Variants in SLC39A9 observed in about 807,000 individuals in gnomAD.
SLC39A9 encodes the protein solute carrier family 39 member 9, also known as zinc transporter ZIP9.
Under a neutral mutation model 28.4 loss-of-function variants are expected in SLC39A9, and 14 were observed. The ratio of observed to expected loss-of-function variants is 0.49; its 90% confidence interval spans 0.33 to 0.77. The LOEUF (loss-of-function observed/expected upper bound fraction) is 0.77, where lower values mean the gene tolerates loss of function less well. Among genes scored for constraint, SLC39A9 ranks in the 30% least tolerant of loss-of-function variants. The pLI is 0.02. For synonymous variants in SLC39A9, 119 were observed against 149.6 expected (o/e 0.80, Z 1.49); for missense variants, 283 against 381.1 (o/e 0.74, Z 2.14).
intron 3 of SLC39A9, among the ~76,000 whole-genome samples, chr14:69,446,088 A>G (rs1446785945): frequency 6.6e-6 from 1 of 151,842 alleles, no homozygotes; most frequent in African/African-American, 2.4e-5. Flanking sequence ...GCTGCTTTAG[A>G]TGTTTTATAG....
intron 1 of SLC39A9, among the ~76,000 whole-genome samples, chr14:69,407,898 G>A (rs1440899723): frequency 1.3e-5 from 2 of 152,142 alleles, no homozygotes; most frequent in East Asian, 3.8e-4. Context: ...CCAAAGTGCT[G>A]GGATTACAGG....
At chr14:69,414,717 T>A (rs1011356925) in intron 1 of SLC39A9, among the ~76,000 whole-genome samples, 2 of 152,174 alleles carry the variant, frequency 1.3e-5, no homozygotes, top group Non-Finnish European at 2.9e-5. Context: ...AAATGTAACA[T>A]CCCAATCAAG....
intron 2 of SLC39A9, among the ~76,000 whole-genome samples, chr14:69,428,368 T>C (rs920548850): frequency 6.6e-6 from 1 of 152,080 alleles, no homozygotes; most frequent in Admixed American, 6.6e-5. Context: ...CAAGATGATG[T>C]TGAAAATGAA....
In SLC39A9 at chr14:69,412,499, T is replaced by C. The variant is rs139409862; in HGVS notation, c.97-11595T>C. 4.1e-3 allele frequency among the ~76,000 whole-genome samples: 632 copies of C among 152,302 alleles called. 1 individual carries two copies. Among genetic ancestry groups the C allele is most frequent in the African/African-American group, 0.014 (586 of 41,570 alleles). ...TGAATCAACTAATCACTGAAAATTC[T>C]TGATATAGTTACAAGGAATATATGA... is the stretch of plus-strand genomic sequence containing the variant. On this transcript the variant is annotated intron_variant, in intron 1 of 6. Coordinates refer to ENST00000336643, the MANE Select transcript of SLC39A9 (RefSeq NM_018375.5).
Position 69,455,717 on chromosome 14 carries a change from A to AT in SLC39A9, c.559-9dup. 6.2e-7 allele frequency: 1 copy of AT among 1,614,028 alleles called. No homozygotes were observed. Among genetic ancestry groups the AT allele is most frequent in the Non-Finnish European group, 8.5e-7 (1 of 1,179,970 alleles). On this transcript the variant is annotated splice_polypyrimidine_tract_variant and intron_variant, in intron 5 of 6. Transcript: ENST00000336643. ...ACTTCTAGAATGATAATAAGAGATG[A>AT]TTTTTTATTTCCAGGCACCAGCTGC...
chr14:69,455,787 A>G lies in SLC39A9; in HGVS notation c.614A>G (p.Asn205Ser), dbSNP rs1245326187. The G allele has an allele frequency of 6.2e-7, 1 of 1,614,120 alleles. No homozygotes were observed. Among genetic ancestry groups the G allele is most frequent in the African/African-American group, 1.3e-5 (1 of 74,944 alleles). The change falls in exon 6 of 7, where the codon AAT becomes AGT. Residue 205 changes from asparagine to serine, a missense_variant. By Grantham distance (46) the Asn-to-Ser change is conservative. Coordinates refer to ENST00000336643, the MANE Select transcript of SLC39A9 (RefSeq NM_018375.5). ...TTGATGCATGCTGGCTTAGAGCGGA[A>G]TCGAATCAGAAAGCACTTGCTGGTC... is the stretch of plus-strand genomic sequence containing the variant. ...SFLMHAGLER[N>S]RIRKHLLVFA...
intron 6 of SLC39A9, among the ~76,000 whole-genome samples, chr14:69,458,049 T>C (rs1885947745): frequency 6.6e-6 from 1 of 152,210 alleles, no homozygotes; most frequent in African/African-American, 2.4e-5. Context: ...AGATGACAGA[T>C]GTTAGTTTTA....
At chr14:69,444,021 A>C (rs1885172926) in intron 3 of SLC39A9, among the ~76,000 whole-genome samples, 1 of 151,854 alleles carries the variant, frequency 6.6e-6, no homozygotes. Flanking sequence ...CCCCATCTCT[A>C]CGAAAAAAAA....
chr14:69,441,945 T>C, intron 2 of SLC39A9, 124 bp from the exon 3 acceptor site: 1 of 1,436,338 alleles, frequency 7.0e-7, no homozygotes, highest in Non-Finnish European at 9.1e-7. Context: ...TGGATTACAA[T>C]ATAAAAAGTG....
chr14:69,398,425 C>T (rs1882430378), upstream of SLC39A9: 2 of 703,696 alleles, frequency 2.8e-6, no homozygotes, highest in Non-Finnish European at 4.8e-6. Flanking sequence ...GACTCTGTTT[C>T]AGCCATCTTC....
chr14:69,403,407 C>T (rs1438910597), intron 1 of SLC39A9, among the ~76,000 whole-genome samples: 4 of 152,176 alleles, frequency 2.6e-5, no homozygotes, highest in African/African-American at 9.7e-5. Flanking sequence ...GAGTATGTCT[C>T]CTCTTTGTCA....
At chr14:69,444,425 C>G (rs1885197800) in intron 3 of SLC39A9, among the ~76,000 whole-genome samples, 1 of 152,092 alleles carries the variant, frequency 6.6e-6, no homozygotes. Flanking sequence ...AAAAGATGTT[C>G]AATTTCACTT....
chr14:69,446,558 A>G (rs1197121403), intron 3 of SLC39A9, among the ~76,000 whole-genome samples: 1 of 152,048 alleles, frequency 6.6e-6, no homozygotes, highest in Non-Finnish European at 1.5e-5. Flanking sequence ...AAGAACAGTA[A>G]TAAAGCATAA....
At chr14:69,438,541 G>C (rs775723426) in intron 2 of SLC39A9, among the ~76,000 whole-genome samples, 1 of 152,038 alleles carries the variant, frequency 6.6e-6, no homozygotes, top group African/African-American at 2.4e-5. Flanking sequence ...TTACTCTTCT[G>C]TAATTATAGC....
chr14:69,439,824 A>G (rs1403546492), intron 2 of SLC39A9, among the ~76,000 whole-genome samples: 1 of 152,118 alleles, frequency 6.6e-6, no homozygotes, highest in East Asian at 1.9e-4. Flanking sequence ...CCCTTCTGCA[A>G]TGATTGGAAG....
At position 69,453,225 on chromosome 14, in the gene SLC39A9, C is replaced by G. The variant is rs751894177; in HGVS notation, c.404-16C>G. 1.9e-6 allele frequency: 3 copies of G among 1,610,580 alleles called. No homozygotes were observed. The highest frequency in any genetic ancestry group is 2.5e-6 in the Non-Finnish European group (3 of 1,177,106). On this transcript the variant is annotated splice_polypyrimidine_tract_variant and intron_variant, in intron 3 of 6. Transcript: ENST00000336643. ...TCTCACATAGCTTAACGCTGTCTTT[C>G]TCATTTTCACTTTAGATCCAGAAGC...
At position 69,461,542 on chromosome 14, in the gene SLC39A9, G is replaced by A; in HGVS notation, c.*2949G>A. 1 of 1,460,870 alleles carries A rather than the reference G, an allele frequency of 6.8e-7. No individual in the cohort carries two copies. The highest frequency in any genetic ancestry group is 9.0e-7 in the Non-Finnish European group (1 of 1,111,004). The allele number at this position is 1,460,870 out of a possible 1,614,324, so 90.5% of individuals were successfully genotyped here. ...TTCTTTCCCAATTCAAAACAGCCAA[G>A]TGAGCCCTGTTCTGGTATTTTGAAT... On this transcript the variant is annotated 3_prime_UTR_variant, in exon 7 of 7. Transcript: ENST00000336643.
intron 3 of SLC39A9, among the ~76,000 whole-genome samples, chr14:69,449,118 T>A (rs1030772207): frequency 1.3e-5 from 2 of 152,258 alleles, no homozygotes; most frequent in African/African-American, 4.8e-5. Context: ...TTTAATCTCC[T>A]TGTATTTACT....
chr14:69,430,539 C>G (rs916145513), intron 2 of SLC39A9, among the ~76,000 whole-genome samples: 5 of 151,524 alleles, frequency 3.3e-5, no homozygotes, highest in African/African-American at 9.7e-5. Context: ...GTATGTTTAC[C>G]TTTTACCAGC....
Sources: allele counts gnomAD v4.1 joint callset (sites outside exome capture counted in the v4.1 genomes callset), GRCh38; gene constraint gnomAD v4.1.1; transcripts MANE v1.5; gene names NCBI Gene and HGNC (gene_info 2026-07-23, HGNC 2026-07-21).